PXYLP1: variants seen among roughly 807,000 people sequenced by gnomAD.
PXYLP1 encodes the protein acid phosphatase-like 2.
PXYLP1 carries 17 observed loss-of-function variants against 37.9 expected under a neutral mutation model. The ratio of observed to expected loss-of-function variants is 0.45; its 90% CI spans 0.31 to 0.67. The LOEUF is 0.67. PXYLP1 is among the 30% of genes least tolerant of loss of function. The pLI, the probability that PXYLP1 is intolerant of heterozygous loss-of-function variation, is 0.07. For missense variants in PXYLP1, 511 were observed against 612.0 expected, an observed-to-expected ratio of 0.84 and a Z score of 1.74; for synonymous variants, 221 against 232.2, an observed-to-expected ratio of 0.95 and a Z score of 0.44.
intron 5 of PXYLP1, among the ~76,000 whole-genome samples, chr3:141,287,978 T>C (rs934941453): frequency 1.2e-4 from 19 of 152,258 alleles, no homozygotes; most frequent in African/African-American, 4.6e-4. Flanking sequence ...AAACTTCTAA[T>C]AGGTTTTCAT....
chr3:141,244,561 G>C (rs940430398), intron 1 of PXYLP1, among the ~76,000 whole-genome samples: 1 of 148,180 alleles, frequency 6.7e-6, no homozygotes, highest in Admixed American at 6.8e-5. Flanking sequence ...TGCTAGCGTT[G>C]GTTTTACCTA....
intron 1 of PXYLP1, among the ~76,000 whole-genome samples, chr3:141,237,473 C>T (rs1387952933): frequency 1.3e-5 from 2 of 152,130 alleles, no homozygotes; most frequent in Non-Finnish European, 2.9e-5. Flanking sequence ...TAGCAATGTA[C>T]CCTTGAACAA....
At chr3:141,250,542 A>G (rs1201063375) in intron 1 of PXYLP1, among the ~76,000 whole-genome samples, 1 of 152,098 alleles carries the variant, frequency 6.6e-6, no homozygotes, top group Admixed American at 6.6e-5. Context: ...GATTGGTTTG[A>G]GTGTGGGCAC....
intron 3 of PXYLP1, 52 bp downstream of exon 3, chr3:141,278,552 C>T: frequency 6.2e-7 from 1 of 1,601,862 alleles, no homozygotes; most frequent in Admixed American, 1.7e-5. Context: ...ACTAGTTATT[C>T]CAGCAGCATT....
chr3:141,248,606 CACACGTATATATACACACACGTATATAT>C (rs1941033758), intron 1 of PXYLP1, among the ~76,000 whole-genome samples: 1 of 55,138 alleles, frequency 1.8e-5, no homozygotes, highest in Non-Finnish European at 3.1e-5. Flanking sequence ...TGTATATATA[CACACGTATATATACACACACGTATATAT>C]ACACACGTGT....
chr3:141,274,511 G>A (rs1396768612), intron 2 of PXYLP1: 12 of 1,505,836 alleles, frequency 8.0e-6, no homozygotes, highest in Non-Finnish European at 8.0e-6. Flanking sequence ...TGGGAAGCCT[G>A]TTTGGATGCC....
intron 4 of PXYLP1, among the ~76,000 whole-genome samples, chr3:141,286,855 G>A (rs1004668037): frequency 1.3e-5 from 2 of 152,236 alleles, no homozygotes; most frequent in African/African-American, 4.8e-5. Context: ...AACCTAGGTA[G>A]TAGCTGTGAG....
At position 141,292,339 on chromosome 3, in the gene PXYLP1, A is replaced by C. The variant is rs768745953; in HGVS notation, c.577A>C (p.Asn193His). ...TCTAAAGAAACACAAACTCCTGCCC[A>C]ATGATTGGTCTGCAGACCAGCTCTA... ...IYLKKHKLLP[N>H]DWSADQLYLE... Residue 193 changes from asparagine to histidine, a missense_variant, in exon 6 of 6, where the codon AAT (asparagine) becomes CAT (histidine). Physicochemically the swap from Asn to His is moderately conservative, Grantham distance 68. Coordinates refer to ENST00000286353, the MANE Select transcript of PXYLP1 (RefSeq NM_001037172.3). The surrounding 1 kb of genome is among the most constrained non-coding windows in gnomAD (Gnocchi z 4.3). 1.9e-6 allele frequency: 3 copies of C among 1,613,974 alleles called. No individual in the cohort carries two copies. Among genetic ancestry groups the C allele is most frequent in the Middle Eastern group, 1.7e-4 (1 of 6,034 alleles).
At chr3:141,263,747 C>A (rs998827754) in intron 2 of PXYLP1, among the ~76,000 whole-genome samples, 5 of 152,202 alleles carry the variant, frequency 3.3e-5, no homozygotes, top group African/African-American at 1.2e-4. Context: ...TGTCAGCTTC[C>A]CTGCTAAGTG....
rs375029274 is a variant in PXYLP1 at position 141,274,412 on chromosome 3, G to A, written c.80-3930G>A. ...TGACCCCCATCTGCCATGTTTGGCT[G>A]TGTTTCACGGCCTCCCCTCTGCTCC... On this transcript the variant is annotated intron_variant, in intron 2 of 5. Coordinates refer to ENST00000286353, the MANE Select transcript of PXYLP1 (RefSeq NM_001037172.3). The A allele has an allele frequency of 4.7e-4, 681 of 1,457,170 alleles. 13 individuals are homozygous for A. The South Asian group carries it at 9.1e-3, about 19-fold the overall frequency. The allele number at this position is 1,457,170 out of a possible 1,614,324, so 90.3% of individuals were successfully genotyped here.
chr3:141,258,556 C>T (rs1233220895), intron 1 of PXYLP1: 1 of 153,156 alleles, frequency 6.5e-6, no homozygotes, highest in Non-Finnish European at 1.5e-5. Flanking sequence ...TGTGCCTCTC[C>T]AGCACTCAGA....
rs778647206 is a variant in PXYLP1, at chr3:141,292,719, G to C, written c.957G>C (p.Glu319Asp). 3.1e-6 allele frequency: 5 copies of C among 1,613,976 alleles called. No individual in the cohort carries two copies. Among genetic ancestry groups the C allele is most frequent in the Non-Finnish European group, 4.2e-6 (5 of 1,180,022 alleles). ...PCTRNGCVDM[E>D]HFKVIKTHQI... ...CCAGAAATGGCTGTGTTGACATGGA[G>C]CACTTCAAGGTAATTAAGACCCATC... The change falls in exon 6 of 6, where the codon GAG (glutamate) becomes GAC (aspartate). Residue 319 changes from glutamate (E) to aspartate (D), a missense_variant. Physicochemically the swap from Glu to Asp is conservative, Grantham distance 45. Coordinates refer to ENST00000286353, the MANE Select transcript of PXYLP1 (RefSeq NM_001037172.3). This position sits in a 1 kb window ranked among gnomAD's most constrained non-coding sequence, Gnocchi z 4.3.
At chr3:141,239,268 T>C (rs901462024) in intron 1 of PXYLP1, among the ~76,000 whole-genome samples, 6 of 152,234 alleles carry the variant, frequency 3.9e-5, no homozygotes, top group Non-Finnish European at 5.9e-5. Context: ...CGCCAGTGTG[T>C]CTGTCTCCGT....
chr3:141,272,775 ATT>A (rs1941697468), intron 2 of PXYLP1: 1 of 146,512 alleles, frequency 6.8e-6, no homozygotes, highest in African/African-American at 3.2e-5. Context: ...CAGCCTGTCT[ATT>A]CATATTTTTT....
At chr3:141,278,306 G>A (rs1034211928) in intron 2 of PXYLP1, 36 bp from the exon 3 acceptor site, 3 of 1,612,536 alleles carry the variant, frequency 1.9e-6, no homozygotes, top group Admixed American at 3.3e-5. Context: ...GGCGCCCCAG[G>A]AACTGTGCGT....
chr3:141,248,372 G>T (rs1353756138), intron 1 of PXYLP1, among the ~76,000 whole-genome samples: 2 of 151,876 alleles, frequency 1.3e-5, no homozygotes, highest in Non-Finnish European at 2.9e-5. Flanking sequence ...AGGGAGCTGG[G>T]ACTCGAGGCA....
rs1243831929 is a variant in PXYLP1 at position 141,248,839 on chromosome 3, ATATATACACACGTATATATATACACACG to A, written c.-53-11277_-53-11250del. Among the ~76,000 whole-genome samples, 41 of 109,948 alleles carry A rather than the reference ATATATACACACGTATATATATACACACG, an allele frequency of 3.7e-4. 5 individuals carry two copies. The highest frequency in any genetic ancestry group is 1.8e-3 in the South Asian group (6 of 3,266). 72.1% of individuals were successfully genotyped at this position (109,948 alleles called of 152,430 possible). Reference sequence around the variant, plus strand: ...CACGTATATATATACACACACGTGTATATATACACACGTATATATATACACACGTATATATATATATGGAGAGAGAGAC... The same window carrying A: ...CACGTATATATATACACACACGTGTATATATATATATATGGAGAGAGAGAC... On this transcript the variant is annotated intron_variant, in intron 1 of 5. Coordinates refer to ENST00000286353, the MANE Select transcript of PXYLP1 (RefSeq NM_001037172.3).
At chr3:141,232,469 C>T (rs1404239051) in intron 1 of PXYLP1, 1 of 152,290 alleles carries the variant, frequency 6.6e-6, no homozygotes, top group Non-Finnish European at 1.5e-5. Context: ...CGGCCTTTCC[C>T]GGAGACGGGG....
intron 5 of PXYLP1, among the ~76,000 whole-genome samples, chr3:141,288,083 C>T (rs148313679): frequency 3.3e-4 from 50 of 152,356 alleles, no homozygotes; most frequent in African/African-American, 1.2e-3. Context: ...ACAGCTTTCC[C>T]TCCGCAGCCC....
Sources: gnomAD v4.1 joint callset for allele counts (sites outside exome capture counted in the v4.1 genomes callset) on GRCh38, gnomAD v4.1.1 for gene constraint, Gnocchi (gnomAD v3.1) non-coding constraint, MANE v1.5 for transcripts, NCBI Gene and HGNC (gene_info 2026-07-23, HGNC 2026-07-21) for gene names.